GRIN2B: variants seen among roughly 807,000 people sequenced by gnomAD.
GRIN2B encodes glutamate receptor ionotropic, NMDA 2B.
A neutral mutation model predicts 114.5 loss-of-function variants in GRIN2B; 5 were observed. The ratio of observed to expected loss-of-function variants is 0.04; its 90% CI spans 0.02 to 0.09. GRIN2B has a LOEUF of 0.09. GRIN2B is among the 10% of genes least tolerant of loss of function. The pLI is 1.00. For missense variants in GRIN2B, 1,108 were observed against 1,943.5 expected, an observed-to-expected ratio of 0.57 and a Z score of 8.08; for synonymous variants, 787 against 745.1, an observed-to-expected ratio of 1.06 and a Z score of -0.92.
chr12:13,803,568 C>T (rs1369839295), intron 3 of GRIN2B, among the ~76,000 whole-genome samples: 1 of 152,114 alleles, frequency 6.6e-6, no homozygotes, highest in Non-Finnish European at 1.5e-5. Flanking sequence ...TTTTAAAAAT[C>T]TATGCTACTA....
Position 13,675,726 on chromosome 12 carries a change from T to C in GRIN2B, c.1125+19A>G. 1 of 1,418,234 alleles carries C rather than the reference T, an allele frequency of 7.1e-7. No homozygotes were observed. The highest frequency in any genetic ancestry group is 1.0e-6 in the Non-Finnish European group (1 of 1,001,284). The allele number at this position is 1,418,234 out of a possible 1,614,324, so 87.9% of individuals were successfully genotyped here. A position where few individuals can be genotyped will look rare whatever the true frequency, so the allele number is the denominator to read the frequency against. On this transcript the variant is annotated intron_variant, in intron 5 of 13. Coordinates refer to ENST00000609686, the MANE Select transcript of GRIN2B (RefSeq NM_000834.5). ...TTTCTACTCTACTTTGCTCAAGAAT[T>C]GTCAAAGACATGTCTTACCCTTTCC...
chr12:13,884,752 C>T (rs755941488), intron 2 of GRIN2B, among the ~76,000 whole-genome samples: 4 of 152,102 alleles, frequency 2.6e-5, no homozygotes, highest in Non-Finnish European at 5.9e-5. Flanking sequence ...CTTTGTCAAG[C>T]TGAGGAAGTT....
intron 10 of GRIN2B, among the ~76,000 whole-genome samples, 177 bp from the exon 11 acceptor site, chr12:13,572,141 C>G (rs1205420930): frequency 6.6e-6 from 1 of 152,204 alleles, no homozygotes; most frequent in Non-Finnish European, 1.5e-5. Flanking sequence ...GCAGCAATTG[C>G]TATCTGAAAG....
intron 8 of GRIN2B, among the ~76,000 whole-genome samples, chr12:13,613,554 G>T (rs1036741035): frequency 1.3e-5 from 2 of 152,002 alleles, no homozygotes; most frequent in Non-Finnish European, 2.9e-5. Context: ...CCCCCATGCT[G>T]GTTCCTGGGT....
chr12:13,576,453 C>A (rs760171691), intron 10 of GRIN2B, among the ~76,000 whole-genome samples: 1 of 152,016 alleles, frequency 6.6e-6, no homozygotes, highest in African/African-American at 2.4e-5. Flanking sequence ...AATTTAAAAG[C>A]CTAATATATC....
intron 5 of GRIN2B, among the ~76,000 whole-genome samples, chr12:13,637,204 G>A (rs878901372): frequency 1.3e-5 from 2 of 152,170 alleles, no homozygotes; most frequent in Admixed American, 1.3e-4. Flanking sequence ...GGCAATAGAT[G>A]AGAAATTATA....
At chr12:13,894,840 A>G (rs1866328343) in intron 2 of GRIN2B, among the ~76,000 whole-genome samples, 1 of 152,192 alleles carries the variant, frequency 6.6e-6, no homozygotes, top group East Asian at 1.9e-4. Flanking sequence ...TTACTAGCAT[A>G]TGAAATATTT....
At chr12:13,757,094 G>C (rs3026187) in intron 3 of GRIN2B, among the ~76,000 whole-genome samples, 3,664 of 152,218 alleles carry the variant, frequency 0.024, 150 homozygotes, top group African/African-American at 0.084. Flanking sequence ...TGCTCCGATT[G>C]ATGCCCAGCT....
Position 13,611,726 on chromosome 12 carries a change from T to A in GRIN2B, c.1779A>T (p.Arg593Ser). 6.2e-7 allele frequency: 1 copy of A among 1,613,842 alleles called. No homozygotes were observed. The highest frequency in any genetic ancestry group is 8.5e-7 in the Non-Finnish European group (1 of 1,179,766). ...VGYNRCLADG[R>S]EPGGPSFTIG... is the part of the protein sequence containing the mutation. ...TGCAGCGGTTCCAGCCGGCCTTACC[T>A]CTGCCATCAGCGAGGCACCTGTTAT... The change falls in exon 9 of 14, where the codon AGA becomes AGT. Residue 593 changes from arginine to serine, a missense_variant and splice_region_variant. By Grantham distance (110) the Arg-to-Ser change is moderately radical. This residue lies in a region of GRIN2B where 24 missense variants were observed against 38.1 expected (regional missense o/e 0.63). Transcript: ENST00000609686.
At chr12:13,908,255 A>G (rs1406034302) in intron 2 of GRIN2B, among the ~76,000 whole-genome samples, 1 of 152,118 alleles carries the variant, frequency 6.6e-6, no homozygotes, top group Non-Finnish European at 1.5e-5. Flanking sequence ...AAAACAGAAA[A>G]GAACATATAG....
rs1029603752 is a variant in GRIN2B at position 13,916,761 on chromosome 12, A to G, written c.-18-50535T>C. On this transcript the variant is annotated intron_variant, in intron 2 of 13. Transcript: ENST00000609686. ...TTTGTGTGTGTGTGTGTGTGTGTGTATTTTAATCCTCAATGTACGCCAGGA... is the reference window on the plus strand; with the variant it reads ...TTTGTGTGTGTGTGTGTGTGTGTGTGTTTTAATCCTCAATGTACGCCAGGA... 7.0e-4 allele frequency among the ~76,000 whole-genome samples: 36 copies of G among 51,124 alleles called. No homozygotes were observed. The East Asian group carries it at 9.1e-3, about 13-fold the overall frequency. The allele number at this position is 51,124 out of a possible 152,430, so 33.5% of individuals were successfully genotyped here. A position where few individuals can be genotyped will look rare whatever the true frequency, so the allele number is the denominator to read the frequency against.
chr12:13,866,309 A>G (rs970189307), intron 2 of GRIN2B, 83 bp from the exon 3 acceptor site: 33 of 1,202,492 alleles, frequency 2.7e-5, no homozygotes, highest in Non-Finnish European at 1.2e-6. Flanking sequence ...CTGCAATTCA[A>G]GGACCTTATC....
intron 10 of GRIN2B, among the ~76,000 whole-genome samples, chr12:13,599,330 C>T (rs921710446): frequency 6.6e-5 from 10 of 152,126 alleles, no homozygotes; most frequent in Non-Finnish European, 1.3e-4. Context: ...GGCTGCACAC[C>T]TTTTCCACTC....
At chr12:13,934,767 A>G (rs1867098429) in intron 2 of GRIN2B, among the ~76,000 whole-genome samples, 1 of 144,124 alleles carries the variant, frequency 6.9e-6, no homozygotes, top group African/African-American at 3.0e-5. Context: ...CTCACTCCTC[A>G]GGAGTGATGC....
intron 4 of GRIN2B, among the ~76,000 whole-genome samples, chr12:13,691,331 C>T (rs905830656): frequency 3.9e-5 from 6 of 152,086 alleles, no homozygotes; most frequent in African/African-American, 1.4e-4. Context: ...GAGGATAGTT[C>T]AGAAATTTCT....
At chr12:13,923,485 G>T (rs1866857044) in intron 2 of GRIN2B, among the ~76,000 whole-genome samples, 1 of 152,122 alleles carries the variant, frequency 6.6e-6, no homozygotes, top group Non-Finnish European at 1.5e-5. Context: ...CAACACATCA[G>T]ACATTAGCAA....
rs895713201 is a variant in GRIN2B, at chr12:13,553,700, A to G, written c.*9083T>C. On this transcript the variant is annotated 3_prime_UTR_variant, in exon 14 of 14. Transcript: ENST00000609686. ...AAAAAGAAGCTAAATATTGGATCAC[A>G]GATCAGTCCCAGCATGGATCAGGTT... 1 of 152,230 alleles carries G rather than the reference A, an allele frequency of 6.6e-6. No individual in the cohort carries two copies. Among genetic ancestry groups the G allele is most frequent in the Non-Finnish European group, 1.5e-5 (1 of 68,038 alleles). The allele number at this position is 152,230 out of a possible 1,614,324, so 9.4% of individuals were successfully genotyped here.
intron 5 of GRIN2B, among the ~76,000 whole-genome samples, chr12:13,655,844 G>A (rs1949858604): frequency 6.6e-6 from 1 of 152,106 alleles, no homozygotes; most frequent in South Asian, 2.1e-4. Flanking sequence ...TGTCAATCAG[G>A]GCTCCAGTTG....
Position 13,561,142 on chromosome 12 carries a change from G to A in GRIN2B, c.*1641C>T, listed in dbSNP as rs1948537285. On this transcript the variant is annotated 3_prime_UTR_variant, in exon 14 of 14. Coordinates refer to ENST00000609686, the MANE Select transcript of GRIN2B (RefSeq NM_000834.5). ...CCTTCTCAATTTTCCAATGTTAAGTGAAGGGAGCATCAGTTCTGCTGGTAC... is the reference window on the plus strand; with the variant it reads ...CCTTCTCAATTTTCCAATGTTAAGTAAAGGGAGCATCAGTTCTGCTGGTAC... 1 of 152,146 alleles carries A rather than the reference G, an allele frequency of 6.6e-6. No individual in the cohort carries two copies. The highest frequency in any genetic ancestry group is 3.2e-3 in the Middle Eastern group (1 of 316). The allele number at this position is 152,146 out of a possible 1,614,324, so 9.4% of individuals were successfully genotyped here. A position where few individuals can be genotyped will look rare whatever the true frequency, so the allele number is the denominator to read the frequency against.
Sources: allele counts gnomAD v4.1 joint callset (sites outside exome capture counted in the v4.1 genomes callset), GRCh38; gene constraint gnomAD v4.1.1; regional missense constraint gnomAD v4.1.1; transcripts MANE v1.5; gene names NCBI Gene and HGNC (gene_info 2026-07-23, HGNC 2026-07-21).